ALDH3B2: variants seen among roughly 807,000 people sequenced by gnomAD.
ALDH3B2 encodes aldehyde dehydrogenase family 3 member B2.
ALDH3B2 carries 45 observed loss-of-function variants against 36.7 expected under a neutral mutation model. The observed-to-expected ratio is 1.23, with a 90% CI of 0.97 to 1.57. The LOEUF is 1.57. Among genes scored for constraint, ALDH3B2 ranks in the 40% most tolerant of loss-of-function variants. The probability of loss-of-function intolerance (pLI) is 0.00; values close to 1 mark genes in which losing one functional copy is unlikely to be tolerated. For missense variants in ALDH3B2, 464 were observed against 513.3 expected (o/e 0.90, Z 0.93); for synonymous variants, 217 against 226.5 (o/e 0.96, Z 0.38).
In ALDH3B2 at chr11:67,672,102, TTGTGTG is replaced by T. The variant is rs71058721; in HGVS notation, c.-245+2329_-245+2334del. On this transcript the variant is annotated intron_variant, in intron 1 of 9. Coordinates refer to ENST00000349015, the Ensembl canonical transcript of ALDH3B2. ...ATATATATATATGTATGTATGTATT[TTGTGTG>T]TGTGTGTGTGTGTGTGTGTGTGTGT... 6.1e-3 allele frequency among the ~76,000 whole-genome samples: 305 copies of T among 49,956 alleles called. 15 individuals carry two copies. Among genetic ancestry groups the T allele is most frequent in the African/African-American group, 0.018 (267 of 14,562 alleles). The allele number at this position is 49,956 out of a possible 152,430, so 32.8% of individuals were successfully genotyped here. A position where few individuals can be genotyped will look rare whatever the true frequency, so the allele number is the denominator to read the frequency against.
intron 1 of ALDH3B2, among the ~76,000 whole-genome samples, chr11:67,668,538 G>A (rs1441952995): frequency 3.3e-5 from 5 of 152,134 alleles, no homozygotes; most frequent in African/African-American, 1.2e-4. Flanking sequence ...TTGTGTATCC[G>A]TGTGTCTGTG....
chr11:67,668,880 A>T (rs111211047), intron 1 of ALDH3B2, among the ~76,000 whole-genome samples: 1 of 121,654 alleles, frequency 8.2e-6, no homozygotes, highest in South Asian at 2.7e-4. Context: ...CTTTGTGTGT[A>T]TGGGTGTCTG....
chr11:67,666,940 G>T, exon 3 of ALDH3B2: 1 of 1,614,164 alleles, frequency 6.2e-7, no homozygotes, highest in Non-Finnish European at 8.5e-7. Flanking sequence ...CTTCATCCAG[G>T]CCTGCAGGTT....
In ALDH3B2 at chr11:67,670,805, G is replaced by A. The variant is rs140489999; in HGVS notation, c.-244-3170C>T. ...CACAGGACCCCCACACTCAGTGTGC[G>A]GCCCCCCTGCATGAGGGCCTGGAGG... On this transcript the variant is annotated intron_variant, in intron 1 of 9. Transcript: ENST00000349015. Among the ~76,000 whole-genome samples the A allele has an allele frequency of 2.4e-3, 373 of 152,284 alleles. 2 individuals carry two copies. The highest frequency in any genetic ancestry group is 8.7e-3 in the African/African-American group (362 of 41,560).
chr11:67,679,973 G>A (rs1856340558), intron 1 of ALDH3B2, among the ~76,000 whole-genome samples: 1 of 152,026 alleles, frequency 6.6e-6, no homozygotes, highest in Non-Finnish European at 1.5e-5. Context: ...TTGTTTTTGA[G>A]TGCAGATTGA....
At chr11:67,674,179 C>G (rs992512012) in intron 1 of ALDH3B2, among the ~76,000 whole-genome samples, 2 of 152,186 alleles carry the variant, frequency 1.3e-5, no homozygotes, top group Admixed American at 1.3e-4. Flanking sequence ...TCCTGGGGAA[C>G]AGGCTTCATT....
chr11:67,672,118 G>A lies in ALDH3B2; in HGVS notation c.-245+2319C>T, dbSNP rs58056784. On this transcript the variant is annotated intron_variant, in intron 1 of 9. Transcript: ENST00000349015. ...GTATGTATTTTGTGTGTGTGTGTGT[G>A]TGTGTGTGTGTGTGTGTATATATAT... Among the ~76,000 whole-genome samples the A allele has an allele frequency of 1.3e-3, 141 of 108,118 alleles. 3 individuals carry two copies. The highest frequency in any genetic ancestry group is 5.0e-3 in the African/African-American group (126 of 24,984). The allele number at this position is 108,118 out of a possible 152,430, so 70.9% of individuals were successfully genotyped here. A position where few individuals can be genotyped will look rare whatever the true frequency, so the allele number is the denominator to read the frequency against.
exon 10 of ALDH3B2, chr11:67,663,131 A>G: frequency 6.8e-7 from 1 of 1,463,702 alleles, no homozygotes; most frequent in Non-Finnish European, 9.2e-7. Context: ...TGCGGTCTGG[A>G]GGAACAATGT....
chr11:67,672,463 T>C (rs748396282), intron 1 of ALDH3B2, among the ~76,000 whole-genome samples: 1 of 151,814 alleles, frequency 6.6e-6, no homozygotes, highest in Non-Finnish European at 1.5e-5. Flanking sequence ...TTCTTACATA[T>C]ATTGATTGCT....
exon 8 of ALDH3B2, chr11:67,664,546 C>T (rs1458449391): frequency 1.2e-6 from 2 of 1,613,556 alleles, no homozygotes; most frequent in Admixed American, 1.7e-5. Context: ...CCTGCACGTC[C>T]ACCAGCACCG....
At chr11:67,674,144 C>T (rs979458637) in intron 1 of ALDH3B2, among the ~76,000 whole-genome samples, 4 of 152,188 alleles carry the variant, frequency 2.6e-5, no homozygotes, top group Non-Finnish European at 2.9e-5. Flanking sequence ...AAAGGGAGGA[C>T]GGGGTCTGTC....
intron 2 of ALDH3B2, 148 bp from the exon 3 acceptor site, chr11:67,667,164 G>A (rs1024011352): frequency 1.3e-5 from 8 of 601,788 alleles, no homozygotes; most frequent in South Asian, 9.9e-5. Flanking sequence ...TGGGAACTGC[G>A]CATGGCTGCA....
exon 6 of ALDH3B2, chr11:67,666,147 G>T: frequency 6.2e-7 from 1 of 1,614,008 alleles, no homozygotes; most frequent in Non-Finnish European, 8.5e-7. Flanking sequence ...AGTCCAACTT[G>T]TGCTCTAGCA....
exon 7 of ALDH3B2, chr11:67,665,521 A>G (rs772965190): frequency 6.8e-6 from 11 of 1,613,794 alleles, no homozygotes. Flanking sequence ...GCCGGCATTG[A>G]AGTAGCAGAA....
intron 1 of ALDH3B2, among the ~76,000 whole-genome samples, chr11:67,669,900 G>C (rs1295368605): frequency 6.8e-6 from 1 of 146,184 alleles, no homozygotes; most frequent in Admixed American, 6.8e-5. Context: ...ATGGGTGTGT[G>C]TGTCCACGTG....
exon 1 of ALDH3B2, chr11:67,674,572 A>C (rs7947978): frequency 0.83 from 128,427 of 155,218 alleles, 54,451 homozygotes; most frequent in South Asian, 0.93. Flanking sequence ...CTCCCAGGAG[A>C]CTGGCAGCTC....
intron 1 of ALDH3B2, among the ~76,000 whole-genome samples, chr11:67,672,017 C>G (rs1320996846): frequency 7.4e-6 from 1 of 135,634 alleles, no homozygotes; most frequent in East Asian, 2.1e-4. Context: ...CTGTCCCTGC[C>G]TTTCTGGATG....
chr11:67,673,506 A>T (rs1856190711), intron 1 of ALDH3B2, among the ~76,000 whole-genome samples: 1 of 152,208 alleles, frequency 6.6e-6, no homozygotes, highest in African/African-American at 2.4e-5. Context: ...AGGGCAGGTG[A>T]TCTGGACAGA....
At chr11:67,672,909 C>CT (rs1555037352) in intron 1 of ALDH3B2, among the ~76,000 whole-genome samples, 4 of 145,986 alleles carry the variant, frequency 2.7e-5, no homozygotes, top group Middle Eastern at 3.8e-3. Context: ...AACTTTCTTT[C>CT]TTTCTTTTCT....
Sources: allele counts gnomAD v4.1 joint callset (sites outside exome capture counted in the v4.1 genomes callset), GRCh38; gene constraint gnomAD v4.1.1; transcripts MANE v1.5; gene names NCBI Gene and HGNC (gene_info 2026-07-23, HGNC 2026-07-21).